Variants in KLRC2 observed in about 807,000 individuals in gnomAD.
The protein encoded by KLRC2 is NKG2-C type II integral membrane protein.
KLRC2 carries 10 observed loss-of-function variants against 25.5 expected under a neutral mutation model. That is an observed-to-expected ratio of 0.39 (90% CI 0.24 to 0.67). The LOEUF (loss-of-function observed/expected upper bound fraction) is 0.67. Ranked by LOEUF, KLRC2 falls within the 30% of genes least tolerant of loss-of-function variation. KLRC2 has a pLI of 0.45. For missense variants in KLRC2, 170 were observed against 272.8 expected, an observed-to-expected ratio of 0.62 and a Z score of 2.65; for synonymous variants, 48 against 93.3, an observed-to-expected ratio of 0.51 and a Z score of 2.80.
chr12:10,431,754 A>C (rs1371092564), intron 5 of KLRC2, among the ~76,000 whole-genome samples: 1 of 125,162 alleles, frequency 8.0e-6, no homozygotes, highest in East Asian at 2.5e-4. Flanking sequence ...ACAAATACGT[A>C]AACTTTCTTA....
Position 10,431,945 on chromosome 12 carries a change from T to C in KLRC2, c.584+161A>G, listed in dbSNP as rs1301860832. 7.1e-5 allele frequency among the ~76,000 whole-genome samples: 10 copies of C among 141,462 alleles called. 1 individual carries two copies. Among genetic ancestry groups the C allele is most frequent in the African/African-American group, 2.7e-4 (10 of 36,872 alleles). 92.8% of individuals were successfully genotyped at this position (141,462 alleles called of 152,430 possible). A position where few individuals can be genotyped will look rare whatever the true frequency, so the allele number is the denominator to read the frequency against. ...AGCAGACCAATGAGCGGTTGAAATA[T>C]ATGGACTACTATGGTCTATTGTAAA... On this transcript the variant is annotated intron_variant, in intron 5 of 5. Coordinates refer to ENST00000381902, the MANE Select transcript of KLRC2 (RefSeq NM_002260.4).
At chr12:10,434,187 G>T in intron 3 of KLRC2, 1 of 683,926 alleles carries the variant, frequency 1.5e-6, no homozygotes, top group Admixed American at 2.2e-5. Flanking sequence ...CTCTACACAT[G>T]TGTTGAACAT....
At chr12:10,433,756 C>T in intron 4 of KLRC2, 35 bp downstream of exon 4, 1 of 1,531,550 alleles carries the variant, frequency 6.5e-7, no homozygotes, top group South Asian at 1.1e-5. Flanking sequence ...CTGAAGGAAG[C>T]TTTTCATAAA....
intron 3 of KLRC2, chr12:10,434,205 A>G: frequency 1.6e-6 from 1 of 641,168 alleles, no homozygotes; most frequent in Non-Finnish European, 2.7e-6. Context: ...CATCGCTGAT[A>G]CACAACTGCT....
chr12:10,434,131 C>G, intron 3 of KLRC2, 189 bp from the exon 4 acceptor site: 1 of 990,274 alleles, frequency 1.0e-6, no homozygotes, highest in South Asian at 1.5e-5. Context: ...AGCCTCTCCT[C>G]CCTAATTGTG....
chr12:10,433,618 T>G (rs1382188020), intron 4 of KLRC2, among the ~76,000 whole-genome samples, 173 bp downstream of exon 4: 1 of 142,446 alleles, frequency 7.0e-6, no homozygotes, highest in Admixed American at 6.9e-5. Flanking sequence ...TGAAAATAAA[T>G]GTACATTAGC....
chr12:10,432,579 G>A (rs140036415), intron 4 of KLRC2, among the ~76,000 whole-genome samples: 2,765 of 138,084 alleles, frequency 0.02, 418 homozygotes, highest in Non-Finnish European at 0.03. Context: ...TTCAGAAATA[G>A]ATGACATGGA....
In KLRC2 at chr12:10,432,164, A is replaced by G. The variant is rs1240383658; in HGVS notation, c.526T>C (p.Phe176Leu). The G allele has an allele frequency of 2.6e-6, 4 of 1,520,348 alleles. 1 individual carries two copies. The highest frequency in any genetic ancestry group is 3.6e-6 in the Non-Finnish European group (4 of 1,118,626). 94.2% of individuals were successfully genotyped at this position (1,520,348 alleles called of 1,614,324 possible). A position where few individuals can be genotyped will look rare whatever the true frequency, so the allele number is the denominator to read the frequency against. The part of the protein sequence containing the change: ...SILPSSWIGV[F>L]RNSSHHPWVT... Reference sequence around the variant, plus strand: ...CATGGATGATGACTGCTGTTACGAAACACACCAATCCATGAGGAAGGTAAA... The same window carrying G: ...CATGGATGATGACTGCTGTTACGAAGCACACCAATCCATGAGGAAGGTAAA... Residue 176 changes from phenylalanine to leucine, a missense_variant, in exon 5 of 6, where the codon TTT becomes CTT. Phe to Leu is a conservative substitution (Grantham distance 22, BLOSUM62 0). Around this residue, in one of 3 missense-constraint regions of KLRC2, gnomAD observed 129 missense variants for 150.2 expected, o/e 0.86. Transcript: ENST00000381902.
intron 3 of KLRC2, 184 bp from the exon 4 acceptor site, chr12:10,434,126 C>T: frequency 9.8e-7 from 1 of 1,015,910 alleles, no homozygotes; most frequent in South Asian, 1.5e-5. Flanking sequence ...GGGTTAGCCT[C>T]TCCTCCCTAA....
At position 10,432,032 on chromosome 12, in the gene KLRC2, A is replaced by G. The variant is rs61917676; in HGVS notation, c.584+74T>C. 138 of 1,159,708 alleles carry G rather than the reference A, an allele frequency of 1.2e-4. 11 individuals are homozygous for G. Among genetic ancestry groups the G allele is most frequent in the African/African-American group, 1.1e-3 (61 of 56,984 alleles). The allele number at this position is 1,159,708 out of a possible 1,614,324, so 71.8% of individuals were successfully genotyped here. Reference sequence around the variant, plus strand: ...TTCTTCATGTCAATGATTCCACATAAATTTATTCATATTATTCTTCTGAAT... The same window carrying G: ...TTCTTCATGTCAATGATTCCACATAGATTTATTCATATTATTCTTCTGAAT... On this transcript the variant is annotated intron_variant, in intron 5 of 5. Coordinates refer to ENST00000381902, the MANE Select transcript of KLRC2 (RefSeq NM_002260.4).
intron 5 of KLRC2, 96 bp from the exon 6 acceptor site, chr12:10,431,324 G>A (rs1863809736): frequency 5.7e-6 from 8 of 1,415,756 alleles, no homozygotes; most frequent in Non-Finnish European, 7.8e-6. Flanking sequence ...GAATTTCATG[G>A]AAAAGGGTAA....
chr12:10,433,707 G>A lies in KLRC2; in HGVS notation c.483+84C>T, dbSNP rs1429515117. On this transcript the variant is annotated intron_variant, in intron 4 of 5. Transcript: ENST00000381902. ...TTGAAAATATATGAGATAAATATATGTACACACATATGGATGTTTTCTACA... is the reference window on the plus strand; with the variant it reads ...TTGAAAATATATGAGATAAATATATATACACACATATGGATGTTTTCTACA... 153 of 1,321,368 alleles carry A rather than the reference G, an allele frequency of 1.2e-4. 7 individuals carry two copies. Among genetic ancestry groups the A allele is most frequent in the Non-Finnish European group, 1.6e-4 (152 of 945,788 alleles). 81.9% of individuals were successfully genotyped at this position (1,321,368 alleles called of 1,614,324 possible).
At chr12:10,433,702 T>C (rs1863839003) in intron 4 of KLRC2, 89 bp downstream of exon 4, 3 of 1,291,468 alleles carry the variant, frequency 2.3e-6, no homozygotes, top group Non-Finnish European at 3.2e-6. Context: ...ATGAGATAAA[T>C]ATATGTACAC....
At position 10,435,785 on chromosome 12, in the gene KLRC2, T is replaced by C. The variant is rs758510539; in HGVS notation, c.187+15A>G. ...TCCTAGAACAATAATATTGAAGATATATTTAATGTTTTACCTTGGCAGTCA... is the reference window on the plus strand; with the variant it reads ...TCCTAGAACAATAATATTGAAGATACATTTAATGTTTTACCTTGGCAGTCA... On this transcript the variant is annotated intron_variant, in intron 1 of 5. Transcript: ENST00000381902. The C allele has an allele frequency of 2.6e-6, 4 of 1,540,866 alleles. 1 individual carries two copies. Among genetic ancestry groups the C allele is most frequent in the East Asian group, 4.8e-5 (2 of 42,044 alleles).
chr12:10,433,859 C>T lies in KLRC2; in HGVS notation c.415G>A (p.Glu139Lys). Residue 139 changes from glutamate to lysine, a missense_variant, in exon 4 of 6, where the codon GAA becomes AAA. This residue lies in a region of KLRC2 where 129 missense variants were observed against 150.2 expected (regional missense o/e 0.86). Transcript: ENST00000381902. ...GAAGTACAGGCCAGCAAACTCTCTTCCCAAGTTCTTCTTTCCTTACCAATG... is the reference window on the plus strand; with the variant it reads ...GAAGTACAGGCCAGCAAACTCTCTTTCCAAGTTCTTCTTTCCTTACCAATG... ...YYIGKERRTW[E>K]ESLLACTSKN... 1 of 1,550,480 alleles carries T rather than the reference C, an allele frequency of 6.4e-7. No individual in the cohort carries two copies.
intron 3 of KLRC2, 183 bp from the exon 4 acceptor site, chr12:10,434,125 T>C: frequency 2.0e-6 from 2 of 1,021,258 alleles, no homozygotes; most frequent in South Asian, 3.1e-5. Context: ...AGGGTTAGCC[T>C]CTCCTCCCTA....
chr12:10,434,306 A>G, intron 3 of KLRC2, 180 bp downstream of exon 3: 1 of 597,766 alleles, frequency 1.7e-6, no homozygotes, highest in South Asian at 1.6e-5. Context: ...AATGATTTTA[A>G]GTGAGTATTT....
chr12:10,433,428 G>A (rs1284994022), intron 4 of KLRC2, among the ~76,000 whole-genome samples: 2 of 141,444 alleles, frequency 1.4e-5, no homozygotes, highest in Non-Finnish European at 1.5e-5. Context: ...CATACACAGG[G>A]GTGGAACTGC....
At position 10,435,784 on chromosome 12, in the gene KLRC2, A is replaced by G. The variant is rs374205074; in HGVS notation, c.187+16T>C. 27 of 1,540,364 alleles carry G rather than the reference A, an allele frequency of 1.8e-5. 8 individuals carry two copies. The Admixed American group carries it at 2.4e-4, about 14-fold the overall frequency. On this transcript the variant is annotated intron_variant, in intron 1 of 5. Transcript: ENST00000381902. ...ATCCTAGAACAATAATATTGAAGAT[A>G]TATTTAATGTTTTACCTTGGCAGTC...
Sources: gnomAD v4.1 joint callset for allele counts (sites outside exome capture counted in the v4.1 genomes callset) on GRCh38, gnomAD v4.1.1 for gene constraint, gnomAD v4.1.1 regional missense constraint, MANE v1.5 for transcripts, NCBI Gene and HGNC (gene_info 2026-07-23, HGNC 2026-07-21) for gene names.